Variants in ADK observed in about 807,000 individuals in gnomAD.
ADK encodes adenosine kinase.
In ADK, 24 loss-of-function variants were observed where a neutral mutation model predicts 44.7. That is an observed-to-expected ratio of 0.54 (90% CI 0.39 to 0.76). ADK has a LOEUF of 0.76. Ranked by LOEUF, ADK falls within the 30% of genes least tolerant of loss-of-function variation. The pLI is 0.00. For synonymous variants in ADK, 128 were observed against 142.6 expected, an observed-to-expected ratio of 0.90 and a Z score of 0.73; for missense variants, 321 against 425.1, an observed-to-expected ratio of 0.76 and a Z score of 2.15.
chr10:74,467,864 A>G (rs1180312446), intron 6 of ADK, among the ~76,000 whole-genome samples: 2 of 152,096 alleles, frequency 1.3e-5, no homozygotes, highest in Admixed American at 1.3e-4. Flanking sequence ...ATTTCTATTA[A>G]ATATTTTAAT....
intron 6 of ADK, among the ~76,000 whole-genome samples, chr10:74,516,528 C>CTTTTTTT (rs58022347): frequency 7.2e-6 from 1 of 138,926 alleles, no homozygotes; most frequent in Admixed American, 7.2e-5. Context: ...CTTTTCTTTT[C>CTTTTTTT]TTTTTTTTTT....
intron 9 of ADK, among the ~76,000 whole-genome samples, chr10:74,628,399 A>C (rs930995302): frequency 1.3e-5 from 2 of 152,022 alleles, no homozygotes; most frequent in African/African-American, 4.8e-5. Flanking sequence ...TGGAAATTAG[A>C]TTAATGGTCC....
intron 1 of ADK, among the ~76,000 whole-genome samples, chr10:74,177,945 A>ATATTTT (rs10693309): frequency 0.16 from 16,860 of 108,460 alleles, 1,753 homozygotes; most frequent in Non-Finnish European, 0.21. Context: ...ATATATATAT[A>ATATTTT]TTTTTTTTTT....
rs1338307090 is a variant in ADK, at chr10:74,201,795, G to A, written c.140+957G>A. ...GGTCATCTTACAATGCATCTACCTC[G>A]GATAACGGGGGCACTACTATATGGC... is the stretch of plus-strand genomic sequence containing the variant. On this transcript the variant is annotated intron_variant, in intron 2 of 10. Coordinates refer to ENST00000539909, the MANE Select transcript of ADK (RefSeq NM_006721.4). 2.0e-5 allele frequency among the ~76,000 whole-genome samples: 3 copies of A among 151,550 alleles called. No homozygotes were observed. In the East Asian group the frequency reaches 5.8e-4, roughly 29 times the overall value.
intron 6 of ADK, among the ~76,000 whole-genome samples, chr10:74,458,931 A>G (rs186097327): frequency 1.3e-5 from 2 of 152,294 alleles, no homozygotes; most frequent in Admixed American, 1.3e-4. Context: ...ATACACATAT[A>G]TACTCTACCT....
chr10:74,366,482 G>T (rs1303642448), intron 4 of ADK, among the ~76,000 whole-genome samples: 2 of 151,978 alleles, frequency 1.3e-5, no homozygotes, highest in Non-Finnish European at 2.9e-5. Context: ...CAATTGCTAG[G>T]TTAATTTGTC....
intron 3 of ADK, among the ~76,000 whole-genome samples, chr10:74,288,407 C>T (rs1847271962): frequency 6.6e-6 from 1 of 152,048 alleles, no homozygotes; most frequent in Non-Finnish European, 1.5e-5. Context: ...CCCAGCACTT[C>T]GGGAGGCTGA....
At chr10:74,351,214 A>G (rs971282910) in intron 4 of ADK, among the ~76,000 whole-genome samples, 8 of 152,224 alleles carry the variant, frequency 5.3e-5, no homozygotes, top group African/African-American at 1.9e-4. Flanking sequence ...CGACATGTCA[A>G]AAAGCTTATC....
chr10:74,549,113 A>T (rs1412392308), intron 7 of ADK, among the ~76,000 whole-genome samples: 1 of 152,238 alleles, frequency 6.6e-6, no homozygotes, highest in African/African-American at 2.4e-5. Context: ...AATAAATTTC[A>T]ATTCAATTAT....
At chr10:74,403,097 C>G (rs184451658) in intron 6 of ADK, among the ~76,000 whole-genome samples, 1 of 152,270 alleles carries the variant, frequency 6.6e-6, no homozygotes, top group East Asian at 1.9e-4. Flanking sequence ...CTGATCCGTC[C>G]TCTGGAAGCT....
At chr10:74,550,826 C>A (rs1311858085) in intron 7 of ADK, among the ~76,000 whole-genome samples, 3 of 152,094 alleles carry the variant, frequency 2.0e-5, no homozygotes, top group African/African-American at 7.2e-5. Flanking sequence ...TTTATAATAT[C>A]TATAATCATA....
chr10:74,616,312 T>A (rs1234596177), intron 9 of ADK, among the ~76,000 whole-genome samples: 1 of 152,232 alleles, frequency 6.6e-6, no homozygotes, highest in Non-Finnish European at 1.5e-5. Context: ...CTTGTGAAGA[T>A]ACTCTTCTGT....
chr10:74,293,292 C>T (rs537970068), intron 3 of ADK, among the ~76,000 whole-genome samples: 104 of 149,630 alleles, frequency 7.0e-4, no homozygotes, highest in African/African-American at 2.5e-3. Context: ...ATTTTTTATA[C>T]TTTTGTATGT....
chr10:74,380,780 T>C (rs1842956792), intron 4 of ADK, among the ~76,000 whole-genome samples: 1 of 152,102 alleles, frequency 6.6e-6, no homozygotes, highest in Admixed American at 6.6e-5. Flanking sequence ...ATTTTTTTAT[T>C]TAGCTATTAG....
intron 1 of ADK, among the ~76,000 whole-genome samples, chr10:74,156,754 G>A (rs889955234): frequency 1.3e-5 from 2 of 152,150 alleles, no homozygotes; most frequent in Non-Finnish European, 2.9e-5. Flanking sequence ...GTGATCTCGG[G>A]AAGATTGGCT....
chr10:74,482,309 G>A (rs1847102549), intron 6 of ADK, among the ~76,000 whole-genome samples: 1 of 152,100 alleles, frequency 6.6e-6, no homozygotes, highest in African/African-American at 2.4e-5. Flanking sequence ...GCTACACACT[G>A]TTAAACAACT....
At chr10:74,224,736 C>A in intron 3 of ADK, 145 bp downstream of exon 3, 1 of 705,422 alleles carries the variant, frequency 1.4e-6, no homozygotes, top group Non-Finnish European at 2.5e-6. Context: ...TTATGATAAC[C>A]TACACTATAT....
chr10:74,685,670 A>ATT (rs1855760261), intron 10 of ADK, among the ~76,000 whole-genome samples: 2 of 152,198 alleles, frequency 1.3e-5, no homozygotes, highest in African/African-American at 4.8e-5. Flanking sequence ...TGGATTTATG[A>ATT]TTATATCATT....
intron 1 of ADK, among the ~76,000 whole-genome samples, chr10:74,200,453 C>T (rs189620047): frequency 4.1e-3 from 605 of 147,706 alleles, no homozygotes; most frequent in Admixed American, 6.6e-3. Flanking sequence ...CATTGCACTC[C>T]GGCCTGGGCG....
Sources: gnomAD v4.1 joint callset for allele counts (sites outside exome capture counted in the v4.1 genomes callset) on GRCh38, gnomAD v4.1.1 for gene constraint, MANE v1.5 for transcripts, NCBI Gene and HGNC (gene_info 2026-07-23, HGNC 2026-07-21) for gene names.